ANK3: variants seen among roughly 807,000 people sequenced by gnomAD.
ANK3 encodes ankyrin 3.
Under a neutral mutation model 370.9 loss-of-function variants are expected in ANK3, and 57 were observed. The observed-to-expected ratio is 0.15, with a 90% CI of 0.12 to 0.19. ANK3 has a LOEUF of 0.19. Ranked by LOEUF, ANK3 falls within the 10% of genes least tolerant of loss-of-function variation. The pLI, the probability that ANK3 is intolerant of heterozygous loss-of-function variation, is 1.00. For synonymous variants in ANK3, 1,929 were observed against 1,946.3 expected, an observed-to-expected ratio of 0.99 and a Z score of 0.23; for missense variants, 4,439 against 5,302.1, an observed-to-expected ratio of 0.84 and a Z score of 5.06.
At position 60,051,524 on chromosome 10, in the gene ANK3, T is replaced by A. The variant is rs2077995422; in HGVS notation, c.13065+4134A>T. The A allele has an allele frequency of 4.1e-6, 4 of 985,788 alleles. No individual in the cohort carries two copies. The South Asian group carries it at 1.9e-4, about 46-fold the overall frequency. 61.1% of individuals were successfully genotyped at this position (985,788 alleles called of 1,614,324 possible). On this transcript the variant is annotated intron_variant, in intron 42 of 43. Transcript: ENST00000280772. ...AACTCGGGTAGTGACTCTCCGCTCT[T>A]CCTCTGAGCTTGAATCACTCTCACT...
At chr10:60,406,646 C>T (rs928055881) in intron 2 of ANK3, among the ~76,000 whole-genome samples, 1 of 152,150 alleles carries the variant, frequency 6.6e-6, no homozygotes, top group Non-Finnish European at 1.5e-5. Context: ...CAGTCCACAG[C>T]CCGGGGGCTG....
chr10:60,088,645 G>A (rs1405069212), intron 28 of ANK3, among the ~76,000 whole-genome samples: 2 of 152,052 alleles, frequency 1.3e-5, no homozygotes, highest in African/African-American at 2.4e-5. Flanking sequence ...GGATGGTCTC[G>A]AACTCGCGAC....
intron 1 of ANK3, among the ~76,000 whole-genome samples, chr10:60,630,552 G>A (rs1381208423): frequency 6.6e-6 from 1 of 152,176 alleles, no homozygotes. Flanking sequence ...GAAGTGATTA[G>A]AGGATTCTTA....
chr10:60,387,175 C>CAAA (rs2062494936), intron 1 of ANK3, among the ~76,000 whole-genome samples: 3 of 151,224 alleles, frequency 2.0e-5, no homozygotes, highest in African/African-American at 7.3e-5. Context: ...AAAAAAAAAT[C>CAAA]CTATACAATA....
intron 43 of ANK3, among the ~76,000 whole-genome samples, chr10:60,031,169 T>A (rs2073428845): frequency 6.6e-6 from 1 of 152,208 alleles, no homozygotes; most frequent in African/African-American, 2.4e-5. Context: ...CATTACTTCA[T>A]TACAATGAAA....
In ANK3 at chr10:60,649,611, G is replaced by A. The variant is rs180704178; in HGVS notation, c.58-34387C>T. On this transcript the variant is annotated intron_variant, in intron 1 of 43. Coordinates refer to the ANK3 transcript ENST00000373827. ...AACTAGTTCTCCCAATTGAGTAGGC[G>A]GTTGTTTTCTCTAAGGCAGAGCCTT... Among the ~76,000 whole-genome samples the A allele has an allele frequency of 7.9e-4, 120 of 152,302 alleles. No individual in the cohort carries two copies. The Middle Eastern group carries it at 0.017, about 22-fold the overall frequency.
intron 18 of ANK3, among the ~76,000 whole-genome samples, chr10:60,175,282 C>A (rs2095897820): frequency 6.6e-6 from 1 of 152,172 alleles, no homozygotes; most frequent in African/African-American, 2.4e-5. Context: ...GAAGATTGAA[C>A]TTGCATTCAG....
chr10:60,243,168 G>A (rs764087194), intron 7 of ANK3, among the ~76,000 whole-genome samples: 1 of 152,176 alleles, frequency 6.6e-6, no homozygotes. Flanking sequence ...CCTTAGGTAA[G>A]TTTACTTAAA....
At chr10:60,493,351 G>T (rs550384855) in intron 2 of ANK3, among the ~76,000 whole-genome samples, 1 of 152,094 alleles carries the variant, frequency 6.6e-6, no homozygotes, top group Non-Finnish European at 1.5e-5. Context: ...GGAGAGATCA[G>T]TTAGAAAACC....
At chr10:60,410,989 T>C (rs1319426247) in intron 2 of ANK3, among the ~76,000 whole-genome samples, 1 of 152,100 alleles carries the variant, frequency 6.6e-6, no homozygotes, top group Non-Finnish European at 1.5e-5. Flanking sequence ...CATCCAATCT[T>C]TATCCCTCTC....
At chr10:60,058,368 T>C (rs2079617349) in intron 41 of ANK3, among the ~76,000 whole-genome samples, 1 of 149,326 alleles carries the variant, frequency 6.7e-6, no homozygotes, top group Non-Finnish European at 1.5e-5. Flanking sequence ...GGAAATTATT[T>C]TGGGTAAAGA....
chr10:60,290,881 T>A (rs2041210649), intron 1 of ANK3, among the ~76,000 whole-genome samples: 1 of 152,202 alleles, frequency 6.6e-6, no homozygotes, highest in Non-Finnish European at 1.5e-5. Flanking sequence ...GCTGGCAGGC[T>A]TTTGTTTTTG....
chr10:60,120,789 A>G (rs2093420019), intron 25 of ANK3, among the ~76,000 whole-genome samples: 1 of 152,238 alleles, frequency 6.6e-6, no homozygotes, highest in African/African-American at 2.4e-5. Context: ...CACCTTAGTT[A>G]AAATAGCTTT....
intron 2 of ANK3, among the ~76,000 whole-genome samples, chr10:60,598,529 A>C (rs1387583945): frequency 6.6e-6 from 1 of 152,216 alleles, no homozygotes; most frequent in Non-Finnish European, 1.5e-5. Flanking sequence ...CAAGTGTATA[A>C]AATTAAACTC....
intron 2 of ANK3, among the ~76,000 whole-genome samples, chr10:60,441,011 C>A (rs1567043178): frequency 6.6e-6 from 1 of 152,084 alleles, no homozygotes; most frequent in Non-Finnish European, 1.5e-5. Flanking sequence ...TCTGAACTGG[C>A]AATGCTGATT....
At chr10:60,619,886 G>A (rs970072907) in intron 1 of ANK3, among the ~76,000 whole-genome samples, 9 of 152,120 alleles carry the variant, frequency 5.9e-5, no homozygotes, top group South Asian at 2.1e-4. Flanking sequence ...ATCATGGTTC[G>A]TTTCTCAGCA....
At chr10:60,480,402 G>C (rs748714010) in intron 2 of ANK3, among the ~76,000 whole-genome samples, 1 of 152,048 alleles carries the variant, frequency 6.6e-6, no homozygotes, top group Non-Finnish European at 1.5e-5. Flanking sequence ...TAATGAATGA[G>C]ATTACAAAGT....
At chr10:60,215,686 G>A (rs547161776) in intron 8 of ANK3, among the ~76,000 whole-genome samples, 11 of 151,950 alleles carry the variant, frequency 7.2e-5, no homozygotes, top group East Asian at 1.9e-4. Context: ...TGAGGTCTCC[G>A]TTCTGCTCCA....
chr10:60,578,963 G>A (rs2077714301), intron 2 of ANK3, among the ~76,000 whole-genome samples: 1 of 151,988 alleles, frequency 6.6e-6, no homozygotes, highest in African/African-American at 2.4e-5. Flanking sequence ...ATTTGGTTTT[G>A]CTTAATAATT....
Sources: allele counts gnomAD v4.1 joint callset (sites outside exome capture counted in the v4.1 genomes callset), GRCh38; gene constraint gnomAD v4.1.1; transcripts MANE v1.5; gene names NCBI Gene and HGNC (gene_info 2026-07-23, HGNC 2026-07-21).